Variants in LRRC4C observed in about 807,000 individuals in gnomAD.
LRRC4C encodes the protein leucine rich repeat containing 4C, also known as leucine-rich repeat-containing protein 4C.
LRRC4C carries 5 observed loss-of-function variants against 33.6 expected under a neutral mutation model. The observed-to-expected ratio is 0.15, with a 90% CI of 0.08 to 0.31. The LOEUF (loss-of-function observed/expected upper bound fraction) is 0.31. Ranked by LOEUF, LRRC4C falls within the 10% of genes least tolerant of loss-of-function variation. LRRC4C has a pLI of 1.00. For synonymous variants in LRRC4C, 329 were observed against 302.0 expected (o/e 1.09, Z -0.93); for missense variants, 560 against 796.7 (o/e 0.70, Z 3.58).
chr11:40,906,816 A>T (rs1188084182), intron 2 of LRRC4C, among the ~76,000 whole-genome samples: 1 of 152,190 alleles, frequency 6.6e-6, no homozygotes, highest in Non-Finnish European at 1.5e-5. Flanking sequence ...TGTGTTCTAT[A>T]CATATACATT....
intron 3 of LRRC4C, among the ~76,000 whole-genome samples, chr11:40,639,519 T>C (rs534248487): frequency 6.6e-6 from 1 of 152,352 alleles, no homozygotes; most frequent in African/African-American, 2.4e-5. Context: ...TTTTCAAGTA[T>C]ATGAAATAAA....
chr11:40,814,413 A>C (rs1951622671), intron 2 of LRRC4C, among the ~76,000 whole-genome samples: 1 of 152,068 alleles, frequency 6.6e-6, no homozygotes, highest in South Asian at 2.1e-4. Context: ...CACTGCACAC[A>C]GTAGGGGGAC....
chr11:40,225,688 C>T (rs1847073067), intron 5 of LRRC4C, among the ~76,000 whole-genome samples: 1 of 150,988 alleles, frequency 6.6e-6, no homozygotes, highest in South Asian at 2.1e-4. Flanking sequence ...ACGATCTCGG[C>T]TCACAGCAAC....
chr11:40,883,798 A>G (rs968743124), intron 2 of LRRC4C, among the ~76,000 whole-genome samples: 1 of 152,044 alleles, frequency 6.6e-6, no homozygotes, highest in African/African-American at 2.4e-5. Context: ...TCTCTATAGA[A>G]ATGACTTTCT....
intron 2 of LRRC4C, among the ~76,000 whole-genome samples, chr11:40,848,094 T>TAA (rs540947048): frequency 6.6e-6 from 1 of 151,128 alleles, no homozygotes; most frequent in Non-Finnish European, 1.5e-5. Context: ...TCTTTTTTTT[T>TAA]AAAAAAAGCC....
intron 2 of LRRC4C, among the ~76,000 whole-genome samples, chr11:40,905,181 T>C (rs996222686): frequency 1.3e-5 from 2 of 152,164 alleles, no homozygotes; most frequent in African/African-American, 2.4e-5. Flanking sequence ...AACCCCAAAC[T>C]TGATTGTACC....
intron 2 of LRRC4C, among the ~76,000 whole-genome samples, chr11:40,844,712 G>A (rs575555123): frequency 6.6e-5 from 10 of 152,112 alleles, no homozygotes; most frequent in Non-Finnish European, 1.3e-4. Context: ...ATAATAATTC[G>A]ACAAGTAATT....
chr11:40,544,057 T>C (rs1956824598), intron 3 of LRRC4C, among the ~76,000 whole-genome samples: 1 of 152,032 alleles, frequency 6.6e-6, no homozygotes, highest in Non-Finnish European at 1.5e-5. Flanking sequence ...TTTATGCCTT[T>C]TCCTTAAGCA....
chr11:40,150,017 T>C (rs78691844), intron 5 of LRRC4C, among the ~76,000 whole-genome samples: 4,833 of 152,272 alleles, frequency 0.032, 76 homozygotes, highest in South Asian at 0.054. Flanking sequence ...CTGCCAGGGC[T>C]GTACTCCTTT....
At chr11:40,393,418 G>T (rs1252085458) in intron 3 of LRRC4C, among the ~76,000 whole-genome samples, 1 of 152,052 alleles carries the variant, frequency 6.6e-6, no homozygotes, top group Non-Finnish European at 1.5e-5. Flanking sequence ...AATCTGAAAT[G>T]ACTATTGACA....
chr11:41,315,598 G>A (rs901310729), intron 1 of LRRC4C, among the ~76,000 whole-genome samples: 3 of 152,126 alleles, frequency 2.0e-5, no homozygotes, highest in African/African-American at 7.2e-5. Flanking sequence ...GGTGAATACA[G>A]TCCTAGCCAA....
intron 1 of LRRC4C, among the ~76,000 whole-genome samples, chr11:41,439,155 T>C (rs1293305344): frequency 2.0e-5 from 3 of 152,184 alleles, no homozygotes; most frequent in Non-Finnish European, 1.5e-5. Context: ...CTGATTCATT[T>C]CACGTAGGAT....
chr11:41,020,089 A>C (rs1022094148), intron 1 of LRRC4C, among the ~76,000 whole-genome samples: 1 of 152,128 alleles, frequency 6.6e-6, no homozygotes, highest in Non-Finnish European at 1.5e-5. Flanking sequence ...ATCTTTGCCC[A>C]AACCCCTACT....
At chr11:40,279,585 T>C (rs1401325179) in intron 4 of LRRC4C, among the ~76,000 whole-genome samples, 1 of 152,198 alleles carries the variant, frequency 6.6e-6, no homozygotes, top group African/African-American at 2.4e-5. Flanking sequence ...AGCACTTTGC[T>C]AAAAGTTCTA....
chr11:41,126,620 C>A (rs1195536500), intron 1 of LRRC4C, among the ~76,000 whole-genome samples: 2 of 151,924 alleles, frequency 1.3e-5, no homozygotes, highest in Non-Finnish European at 2.9e-5. Flanking sequence ...ATTAGGTAGC[C>A]CTTCCAACAC....
At chr11:40,792,311 G>A (rs1950659107) in intron 2 of LRRC4C, among the ~76,000 whole-genome samples, 1 of 152,036 alleles carries the variant, frequency 6.6e-6, no homozygotes, top group African/African-American at 2.4e-5. Context: ...TTTCTCGGTA[G>A]TGCTACCAGT....
chr11:41,360,487 T>A, intron 1 of LRRC4C, among the ~76,000 whole-genome samples: 1 of 152,016 alleles, frequency 6.6e-6, no homozygotes, highest in East Asian at 1.9e-4. Flanking sequence ...AAACATCCAA[T>A]GACAAACTGA....
chr11:40,814,982 T>C (rs1028911025), intron 2 of LRRC4C, among the ~76,000 whole-genome samples: 3 of 152,204 alleles, frequency 2.0e-5, no homozygotes. Context: ...TTCCATCCTC[T>C]GCCTGTTACC....
At chr11:40,915,256 G>A (rs940523808) in intron 2 of LRRC4C, among the ~76,000 whole-genome samples, 5 of 152,114 alleles carry the variant, frequency 3.3e-5, no homozygotes, top group South Asian at 4.1e-4. Flanking sequence ...TGAGCCAAAA[G>A]AACAAAGCTG....
Sources: allele counts gnomAD v4.1 joint callset (sites outside exome capture counted in the v4.1 genomes callset), GRCh38; gene constraint gnomAD v4.1.1; transcripts MANE v1.5; gene names NCBI Gene and HGNC (gene_info 2026-07-23, HGNC 2026-07-21).